Variants in VWA5B1 observed in about 807,000 individuals in gnomAD.
VWA5B1 encodes von Willebrand factor A domain containing 5B1.
A neutral mutation model predicts 118.2 loss-of-function variants in VWA5B1; 115 were observed. That is an observed-to-expected ratio of 0.97 (90% confidence interval 0.84 to 1.14). VWA5B1 has a LOEUF of 1.14. Among genes scored for constraint, VWA5B1 ranks in the 50% most tolerant of loss-of-function variants. VWA5B1 has a pLI of 0.00. For synonymous variants in VWA5B1, 682 were observed against 658.4 expected, an observed-to-expected ratio of 1.04 and a Z score of -0.55; for missense variants, 1,596 against 1,603.8, an observed-to-expected ratio of 1.00 and a Z score of 0.08.
At position 20,336,378 on chromosome 1, in the gene VWA5B1, G is replaced by A. The variant is rs370309848; in HGVS notation, c.1834G>A (p.Gly612Arg). The change falls in exon 13 of 22, where the codon GGA becomes AGA. Residue 612 changes from glycine to arginine, a missense_variant. By Grantham distance (125) the Gly-to-Arg change is moderately radical. Coordinates refer to ENST00000289815, the MANE Select transcript of VWA5B1 (RefSeq NM_001039500.3). ...SSVFYHSQDD[G>R]PGLEGGDCAK... ...TGTCTTCTACCACTCTCAGGATGAC[G>A]GACCCGGGCTGGAAGGTGGAGACTG... 2.3e-4 allele frequency: 357 copies of A among 1,527,134 alleles called. 1 individual carries two copies. Among genetic ancestry groups the A allele is most frequent in the South Asian group, 7.6e-4 (59 of 77,764 alleles). The allele number at this position is 1,527,134 out of a possible 1,614,324, so 94.6% of individuals were successfully genotyped here.
intron 2 of VWA5B1, 110 bp from the exon 3 acceptor site, chr1:20,312,726 C>T (rs1048775293): frequency 3.5e-5 from 47 of 1,352,912 alleles, no homozygotes; most frequent in East Asian, 1.4e-4. Flanking sequence ...ATCCAATAAG[C>T]GGCAGTGGGC....
At chr1:20,327,836 C>A in intron 8 of VWA5B1, 54 bp from the exon 9 acceptor site, 1 of 1,437,990 alleles carries the variant, frequency 7.0e-7, no homozygotes, top group Non-Finnish European at 9.6e-7. Context: ...AGTGCAGTGG[C>A]CGAGTGACAA....
rs749039832 is a variant in VWA5B1 at position 20,353,932 on chromosome 1, C to T, written c.3317C>T (p.Pro1106Leu). ...AGTCCCCAGCTGTGCACCAGCTCCC[C>T]GCCTAGGCACCCGTCCTGTGACAGC... Reference protein sequence around the residue: ...TPSPQLCTSSPPRHPSCDSFS... With the variant: ...TPSPQLCTSSLPRHPSCDSFS... Residue 1106 changes from proline (P) to leucine (L), a missense_variant, in exon 22 of 22, where the codon CCG becomes CTG. Coordinates refer to ENST00000289815, the MANE Select transcript of VWA5B1 (RefSeq NM_001039500.3). 20 of 1,550,226 alleles carry T rather than the reference C, an allele frequency of 1.3e-5. No homozygotes were observed. The East Asian group carries it at 1.5e-4, about 11-fold the overall frequency.
chr1:20,349,166 G>A (rs192418983), intron 18 of VWA5B1: 203 of 446,182 alleles, frequency 4.5e-4, no homozygotes, highest in African/African-American at 3.7e-3. Context: ...CAGTGTGAGG[G>A]GGTGGAAACC....
At chr1:20,318,926 C>T (rs369726460) in intron 6 of VWA5B1, among the ~76,000 whole-genome samples, 106 of 152,290 alleles carry the variant, frequency 7.0e-4, no homozygotes, top group African/African-American at 2.2e-3. Flanking sequence ...GTCTCCTGCC[C>T]TGATTCAAGC....
In VWA5B1 at chr1:20,345,545, G is replaced by C. The variant is rs981286822; in HGVS notation, c.2716G>C (p.Val906Leu). 1 of 1,551,022 alleles carries C rather than the reference G, an allele frequency of 6.4e-7. No homozygotes were observed. The highest frequency in any genetic ancestry group is 8.7e-7 in the Non-Finnish European group (1 of 1,146,966). The change falls in exon 17 of 22, where the codon GTG (valine) becomes CTG (leucine). Residue 906 changes from valine to leucine, a missense_variant. Transcript: ENST00000289815. ...ATACACAGCCTTCGTGCCTGTGGAC[G>C]TGAGCAAGAGCCGGTACCTGCCCAC... ...SKYTAFVPVD[V>L]SKSRYLPTVV...
At chr1:20,297,635 G>A (rs74057847) in intron 1 of VWA5B1, among the ~76,000 whole-genome samples, 1,808 of 152,348 alleles carry the variant, frequency 0.012, 38 homozygotes, top group African/African-American at 0.041. Flanking sequence ...GTCATCTTGG[G>A]TTGAGTCCCT....
At chr1:20,335,256 A>T (rs796330404) in intron 12 of VWA5B1, among the ~76,000 whole-genome samples, 4 of 152,124 alleles carry the variant, frequency 2.6e-5, no homozygotes, top group African/African-American at 9.6e-5. Flanking sequence ...TGGAGGCTGC[A>T]GTGAACTGAT....
Position 20,345,099 on chromosome 1 carries a change from C to T in VWA5B1, c.2627-357C>T, listed in dbSNP as rs551961399. 3.3e-5 allele frequency among the ~76,000 whole-genome samples: 5 copies of T among 152,304 alleles called. No homozygotes were observed. The South Asian group carries it at 6.2e-4, about 19-fold the overall frequency. ...GGGCACCTGTGAAGTTTTACGGCAA[C>T]GTTCCCATTAGACATCTGCAAAATT... On this transcript the variant is annotated intron_variant, in intron 16 of 21. Transcript: ENST00000289815.
chr1:20,355,391 G>A lies in VWA5B1; in HGVS notation c.*1128G>A, dbSNP rs535843792. Among the ~76,000 whole-genome samples the A allele has an allele frequency of 2.6e-4, 39 of 152,306 alleles. 1 individual carries two copies. Among genetic ancestry groups the A allele is most frequent in the African/African-American group, 8.7e-4 (36 of 41,568 alleles). ...ACATGGGGAATGGCGTGCTGTGGCC[G>A]CAGATACCCTAATGGCTGGCATAGA... On this transcript the variant is annotated 3_prime_UTR_variant, in exon 22 of 22. Coordinates refer to ENST00000289815, the MANE Select transcript of VWA5B1 (RefSeq NM_001039500.3).
rs2101020970 is a variant in VWA5B1 at position 20,350,924 on chromosome 1, C to T, written c.3021C>T (p.Ser1007=). Residue 1007 remains serine, a splice_region_variant and synonymous_variant, in exon 20 of 22, where the codon TCC becomes TCT. Transcript: ENST00000289815. ...AGGCCTCAGAGAATCTCTTTGGATC[C>T]TGGTAGGTGGGATTTCCAATAAAGG... ...SMKASENLFG[S]WLNLNKSRLL... 6.4e-7 allele frequency: 1 copy of T among 1,551,854 alleles called. No homozygotes were observed. The highest frequency in any genetic ancestry group is 2.4e-5 in the East Asian group (1 of 40,926).
At chr1:20,345,328 T>G in intron 16 of VWA5B1, 128 bp from the exon 17 acceptor site, 1 of 1,262,298 alleles carries the variant, frequency 7.9e-7, no homozygotes, top group Non-Finnish European at 1.1e-6. Context: ...AAGCCCTTGA[T>G]TTTAAAGGCT....
At chr1:20,310,548 C>T in intron 1 of VWA5B1, 28 bp from the exon 2 acceptor site, 1 of 1,459,742 alleles carries the variant, frequency 6.9e-7, no homozygotes, top group Non-Finnish European at 9.1e-7. Context: ...AGCCTCTTCC[C>T]ACTTCCTGCC....
chr1:20,304,764 T>C (rs896539401), intron 1 of VWA5B1, among the ~76,000 whole-genome samples: 2 of 152,078 alleles, frequency 1.3e-5, no homozygotes, highest in African/African-American at 4.8e-5. Flanking sequence ...GCACAGGAGA[T>C]AGTGTACCCT....
At position 20,355,360 on chromosome 1, in the gene VWA5B1, A is replaced by G. The variant is rs1445535059; in HGVS notation, c.*1097A>G. Among the ~76,000 whole-genome samples the G allele has an allele frequency of 2.6e-5, 4 of 152,294 alleles. No individual in the cohort carries two copies. Among genetic ancestry groups the G allele is most frequent in the Non-Finnish European group, 4.4e-5 (3 of 68,014 alleles). Reference sequence around the variant, plus strand: ...TTCCTGCCCTCAAGCCCACTGTGTGATGCCTACATGGGGAATGGCGTGCTG... The same window carrying G: ...TTCCTGCCCTCAAGCCCACTGTGTGGTGCCTACATGGGGAATGGCGTGCTG... On this transcript the variant is annotated 3_prime_UTR_variant, in exon 22 of 22. Coordinates refer to ENST00000289815, the MANE Select transcript of VWA5B1 (RefSeq NM_001039500.3).
chr1:20,310,627 C>T lies in VWA5B1; in HGVS notation c.26C>T (p.Thr9Met), dbSNP rs766634276. The T allele has an allele frequency of 1.6e-5, 24 of 1,545,312 alleles. No homozygotes were observed. The highest frequency in any genetic ancestry group is 3.3e-4 in the Middle Eastern group (2 of 5,990). The change falls in exon 2 of 22, where the codon ACG becomes ATG. Residue 9 changes from threonine to methionine, a missense_variant. Thr to Met is a moderately conservative substitution (Grantham distance 81). Coordinates refer to ENST00000289815, the MANE Select transcript of VWA5B1 (RefSeq NM_001039500.3). MPGLLNWI[T>M]GAALPLTASD... ...ATGCCCGGCTTGCTGAATTGGATCA[C>T]GGGGGCAGCCCTGCCCCTCACCGCG...
chr1:20,341,209 C>A (rs775154839), intron 14 of VWA5B1, among the ~76,000 whole-genome samples: 1 of 152,234 alleles, frequency 6.6e-6, no homozygotes, highest in African/African-American at 2.4e-5. Context: ...ATGCCAACCC[C>A]GACTGATTTG....
chr1:20,326,076 A>G (rs1165129111), intron 8 of VWA5B1, among the ~76,000 whole-genome samples: 2 of 152,336 alleles, frequency 1.3e-5, no homozygotes, highest in East Asian at 1.9e-4. Flanking sequence ...GATCAGCAGA[A>G]TCTCCTCCTA....
intron 1 of VWA5B1, chr1:20,294,154 T>C (rs2088362517): frequency 1.3e-5 from 2 of 152,196 alleles, no homozygotes; most frequent in Non-Finnish European, 2.9e-5. Context: ...TTACCCAAGC[T>C]TATGCAAAAT....
Sources: allele counts gnomAD v4.1 joint callset (sites outside exome capture counted in the v4.1 genomes callset), GRCh38; gene constraint gnomAD v4.1.1; transcripts MANE v1.5; gene names NCBI Gene and HGNC (gene_info 2026-07-23, HGNC 2026-07-21).